FAM219A: variants seen among roughly 807,000 people sequenced by gnomAD.
FAM219A encodes family with sequence similarity 219 member A, also known as protein FAM219A.
A neutral mutation model predicts 23.4 loss-of-function variants in FAM219A; 7 were observed. That is an observed-to-expected ratio of 0.30 (90% confidence interval 0.17 to 0.56). The LOEUF is 0.56. FAM219A is among the 20% of genes least tolerant of loss of function. The pLI is 0.92. For missense variants in FAM219A, 166 were observed against 246.9 expected (o/e 0.67, Z 2.20); for synonymous variants, 93 against 99.0 (o/e 0.94, Z 0.36).
chr9:34,422,175 T>C (rs1822308125), intron 1 of FAM219A, among the ~76,000 whole-genome samples: 1 of 152,188 alleles, frequency 6.6e-6, no homozygotes, highest in Admixed American at 6.5e-5. Flanking sequence ...TTCGGAACAA[T>C]TTAGCCCAGG....
chr9:34,439,002 G>A (rs1229348226), intron 1 of FAM219A, among the ~76,000 whole-genome samples: 1 of 152,008 alleles, frequency 6.6e-6, no homozygotes, highest in African/African-American at 2.4e-5. Flanking sequence ...AAACCAGCGA[G>A]ACCACGAGCC....
chr9:34,454,901 GGC>G (rs1426054106), intron 1 of FAM219A, among the ~76,000 whole-genome samples: 1 of 152,166 alleles, frequency 6.6e-6, no homozygotes, highest in Non-Finnish European at 1.5e-5. Context: ...ATTTGATGAT[GGC>G]GCCCATGTGA....
chr9:34,422,123 C>A (rs1218411008), intron 1 of FAM219A, among the ~76,000 whole-genome samples: 2 of 152,164 alleles, frequency 1.3e-5, no homozygotes, highest in African/African-American at 4.8e-5. Context: ...GTTGGGGAGG[C>A]AGCTCTACTA....
chr9:34,411,004 T>C (rs1479835877), intron 1 of FAM219A, among the ~76,000 whole-genome samples: 5 of 152,222 alleles, frequency 3.3e-5, no homozygotes, highest in Middle Eastern at 3.2e-3. Flanking sequence ...AAAGATATCA[T>C]TAGTATAGGT....
chr9:34,406,306 C>T, intron 1 of FAM219A: 2 of 985,406 alleles, frequency 2.0e-6, no homozygotes, highest in Non-Finnish European at 2.4e-6. Context: ...CCCTTCCCCT[C>T]AGGCCCTTCC....
At chr9:34,426,853 C>T (rs971694885) in intron 1 of FAM219A, among the ~76,000 whole-genome samples, 1 of 152,174 alleles carries the variant, frequency 6.6e-6, no homozygotes, top group Non-Finnish European at 1.5e-5. Context: ...TTTGTGTGAT[C>T]CCCAGGTTGG....
At chr9:34,448,700 T>A (rs1823453142) in intron 1 of FAM219A, among the ~76,000 whole-genome samples, 1 of 152,192 alleles carries the variant, frequency 6.6e-6, no homozygotes, top group Admixed American at 6.5e-5. Context: ...TGGATTATCT[T>A]TATCTTCTCT....
At chr9:34,419,029 T>C (rs1034498270) in intron 1 of FAM219A, among the ~76,000 whole-genome samples, 5 of 152,198 alleles carry the variant, frequency 3.3e-5, no homozygotes, top group African/African-American at 1.2e-4. Flanking sequence ...GAGCCAAGAT[T>C]GCACCACTGC....
intron 1 of FAM219A, among the ~76,000 whole-genome samples, chr9:34,427,788 C>G (rs1003855912): frequency 2.0e-5 from 3 of 152,206 alleles, no homozygotes; most frequent in African/African-American, 7.2e-5. Flanking sequence ...AGGACTACTT[C>G]TTCACTGTAA....
At chr9:34,427,640 T>C (rs1822536188) in intron 1 of FAM219A, among the ~76,000 whole-genome samples, 1 of 152,248 alleles carries the variant, frequency 6.6e-6, no homozygotes, top group Admixed American at 6.5e-5. Context: ...AGACAAACAC[T>C]GCCTTCTACT....
chr9:34,446,895 G>C (rs1455181332), intron 1 of FAM219A, among the ~76,000 whole-genome samples: 3 of 152,158 alleles, frequency 2.0e-5, no homozygotes, highest in African/African-American at 7.2e-5. Context: ...GGGCAGAGTA[G>C]GATGATTACC....
intron 5 of FAM219A, 78 bp downstream of exon 5, chr9:34,401,588 G>T: frequency 5.3e-6 from 8 of 1,506,082 alleles, no homozygotes; most frequent in Non-Finnish European, 7.3e-6. Context: ...TTGTACTTGG[G>T]CATTGGCCCC....
chr9:34,408,616 A>G (rs574313345), intron 1 of FAM219A, among the ~76,000 whole-genome samples: 1 of 152,254 alleles, frequency 6.6e-6, no homozygotes, highest in African/African-American at 2.4e-5. Flanking sequence ...CTCTTTGACT[A>G]TCATTTCTCT....
At chr9:34,406,253 T>C in intron 1 of FAM219A, 1 of 978,288 alleles carries the variant, frequency 1.0e-6, no homozygotes, top group African/African-American at 1.7e-5. Context: ...CATGATTTCT[T>C]TAAACTCACA....
chr9:34,448,298 T>C (rs1311876345), intron 1 of FAM219A, among the ~76,000 whole-genome samples: 2 of 152,192 alleles, frequency 1.3e-5, no homozygotes, highest in African/African-American at 4.8e-5. Flanking sequence ...ACTATGATGA[T>C]TCAGGGCCGC....
chr9:34,400,855 T>C lies in FAM219A; in HGVS notation c.*109A>G. ...GACTGTTATACGAGGTTGGCGGCTGTAGGGGCGCGGGGCCGGGGGCAGGCA... is the reference window on the plus strand; with the variant it reads ...GACTGTTATACGAGGTTGGCGGCTGCAGGGGCGCGGGGCCGGGGGCAGGCA... On this transcript the variant is annotated 3_prime_UTR_variant, in exon 6 of 6. Transcript: ENST00000651358. 1 of 1,180,844 alleles carries C rather than the reference T, an allele frequency of 8.5e-7. No individual in the cohort carries two copies. Among genetic ancestry groups the C allele is most frequent in the Non-Finnish European group, 1.1e-6 (1 of 878,596 alleles). 73.1% of individuals were successfully genotyped at this position (1,180,844 alleles called of 1,614,324 possible). A position where few individuals can be genotyped will look rare whatever the true frequency, so the allele number is the denominator to read the frequency against.
At chr9:34,404,158 A>G (rs1486608179) in intron 2 of FAM219A, among the ~76,000 whole-genome samples, 1 of 152,232 alleles carries the variant, frequency 6.6e-6, no homozygotes, top group African/African-American at 2.4e-5. Context: ...TGGCAAAACC[A>G]AACTAAAGAC....
chr9:34,458,283 G>T lies in FAM219A; in HGVS notation c.-20C>A. ...CATCATGGTGCCGGCGGGCGAGCGG[G>T]CCAGGGGCCGGGCGCGGCCGCGGAC... On this transcript the variant is annotated 5_prime_UTR_variant, in exon 1 of 6. Coordinates refer to ENST00000651358, the MANE Select transcript of FAM219A (RefSeq NM_001184940.2). This position sits in a 1 kb window ranked among gnomAD's most constrained non-coding sequence, Gnocchi z 6.6. 1 of 1,447,430 alleles carries T rather than the reference G, an allele frequency of 6.9e-7. No individual in the cohort carries two copies. 89.7% of individuals were successfully genotyped at this position (1,447,430 alleles called of 1,614,324 possible).
intron 1 of FAM219A, among the ~76,000 whole-genome samples, chr9:34,416,193 AAG>A (rs1821997619): frequency 2.1e-5 from 1 of 48,376 alleles, no homozygotes; most frequent in Non-Finnish European, 4.7e-5. Context: ...AAAAGAAAGA[AAG>A]AAAGAAAGAA....
Sources: allele counts gnomAD v4.1 joint callset (sites outside exome capture counted in the v4.1 genomes callset), GRCh38; gene constraint gnomAD v4.1.1; non-coding constraint Gnocchi (gnomAD v3.1); transcripts MANE v1.5; gene names NCBI Gene and HGNC (gene_info 2026-07-23, HGNC 2026-07-21).